DACH2: variants seen among roughly 807,000 people sequenced by gnomAD.
DACH2 encodes dachshund homolog 2.
Under a neutral mutation model 35.8 loss-of-function variants are expected in DACH2, and 17 were observed. The observed-to-expected ratio is 0.48, with a 90% CI of 0.33 to 0.71. The LOEUF is 0.71. DACH2 is among the 30% of genes least tolerant of loss of function. The pLI, the probability that DACH2 is intolerant of heterozygous loss-of-function variation, is 0.02. For missense variants in DACH2, 469 were observed against 472.7 expected, an observed-to-expected ratio of 0.99 and a Z score of 0.07; for synonymous variants, 195 against 177.3, an observed-to-expected ratio of 1.10 and a Z score of -0.79.
At chrX:86,456,795 C>CT (rs2037483771) in intron 2 of DACH2, among the ~76,000 whole-genome samples, 1 of 106,724 alleles carries the variant, frequency 9.4e-6, no homozygotes, top group African/African-American at 3.4e-5. Context: ...TTTTTTTTGT[C>CT]TAAGAAAGTA....
intron 1 of DACH2, among the ~76,000 whole-genome samples, chrX:86,272,226 G>GTGTA (rs1556008363): frequency 4.7e-4 from 52 of 110,033 alleles, no homozygotes; most frequent in African/African-American, 1.2e-3. Flanking sequence ...GTGTGTGTGT[G>GTGTA]TATATCACAT....
chrX:86,599,080 T>G (rs2039751763), intron 3 of DACH2, among the ~76,000 whole-genome samples: 1 of 111,343 alleles, frequency 9.0e-6, no homozygotes, highest in Admixed American at 9.6e-5. Context: ...TGCAATAGTT[T>G]GCTGAGAATG....
intron 7 of DACH2, among the ~76,000 whole-genome samples, chrX:86,747,683 G>A (rs2041728275): frequency 8.9e-6 from 1 of 111,779 alleles, no homozygotes; most frequent in Non-Finnish European, 1.9e-5. Context: ...TTTTACTGGT[G>A]GAGGGCCTTG....
In DACH2 at chrX:86,351,030, G is replaced by T. The variant is rs1438394882; in HGVS notation, c.489-25794G>T. On this transcript the variant is annotated intron_variant, in intron 1 of 11. Coordinates refer to ENST00000373125, the MANE Select transcript of DACH2 (RefSeq NM_053281.3). ...GCATGGAATGTTCTTCCATTTGTTT[G>T]TGTCCTCTTTTATTTCCTTGAGCAG... Among the ~76,000 whole-genome samples, 7 of 19,195 alleles carry T rather than the reference G, an allele frequency of 3.6e-4. 2 individuals are homozygous for T. Among genetic ancestry groups the T allele is most frequent in the African/African-American group, 7.6e-4 (1 of 1,317 alleles). The allele number at this position is 19,195 out of a possible 115,157, so 16.7% of individuals were successfully genotyped here. A position where few individuals can be genotyped will look rare whatever the true frequency, so the allele number is the denominator to read the frequency against.
At chrX:86,298,717 C>T (rs1198424822) in intron 1 of DACH2, among the ~76,000 whole-genome samples, 1 of 112,011 alleles carries the variant, frequency 8.9e-6, no homozygotes, top group Admixed American at 9.5e-5. Flanking sequence ...TTAGATCAAT[C>T]ATTCCAGGTA....
chrX:86,610,363 CTCTTTCTT>C (rs201309617), intron 3 of DACH2, among the ~76,000 whole-genome samples: 3,849 of 70,039 alleles, frequency 0.055, 146 homozygotes, highest in Middle Eastern at 0.17. Flanking sequence ...TCCTTCCTTC[CTCTTTCTT>C]TCTTTCTTTC....
At chrX:86,637,839 G>A (rs12560203) in intron 3 of DACH2, among the ~76,000 whole-genome samples, 13,810 of 110,462 alleles carry the variant, frequency 0.13, 749 homozygotes, top group East Asian at 0.32. Context: ...CAAATTTACC[G>A]ACATACTAAA....
intron 7 of DACH2, among the ~76,000 whole-genome samples, chrX:86,799,749 T>TA (rs1435346835): frequency 8.9e-6 from 1 of 112,254 alleles, no homozygotes; most frequent in Non-Finnish European, 1.9e-5. Flanking sequence ...TTTACCAGAG[T>TA]AAATTTTTTT....
chrX:86,445,720 A>C (rs1228238602), intron 2 of DACH2, among the ~76,000 whole-genome samples: 1 of 110,423 alleles, frequency 9.1e-6, no homozygotes, highest in African/African-American at 3.3e-5. Flanking sequence ...TGTGGTAAGA[A>C]AAAATTTGAT....
At chrX:86,252,720 G>T (rs1403747977) in intron 1 of DACH2, among the ~76,000 whole-genome samples, 1 of 111,009 alleles carries the variant, frequency 9.0e-6, no homozygotes, top group African/African-American at 3.3e-5. Flanking sequence ...TTTTCTACCA[G>T]TACTATGCTG....
chrX:86,716,818 T>A (rs1036299442), intron 6 of DACH2, among the ~76,000 whole-genome samples: 3 of 112,101 alleles, frequency 2.7e-5, no homozygotes, highest in Non-Finnish European at 5.6e-5. Context: ...GTTTTATTTT[T>A]TACCCATTAT....
chrX:86,729,986 T>C (rs779530268), intron 6 of DACH2, among the ~76,000 whole-genome samples: 7 of 110,258 alleles, frequency 6.3e-5, no homozygotes. Flanking sequence ...GCATAACACA[T>C]CCCTTTTGCC....
At chrX:86,456,699 A>G (rs2037481728) in intron 2 of DACH2, among the ~76,000 whole-genome samples, 1 of 109,757 alleles carries the variant, frequency 9.1e-6, no homozygotes, top group Admixed American at 9.7e-5. Context: ...TGTGACCTAT[A>G]TCATTTTCTT....
At chrX:86,371,744 A>G (rs887382904) in intron 1 of DACH2, among the ~76,000 whole-genome samples, 8 of 111,137 alleles carry the variant, frequency 7.2e-5, no homozygotes, top group African/African-American at 2.3e-4. Context: ...AAAGACCTTT[A>G]AAAGTTCCAA....
At chrX:86,587,625 GATGTTTAT>G (rs1469343332) in intron 3 of DACH2, among the ~76,000 whole-genome samples, 1 of 111,568 alleles carries the variant, frequency 9.0e-6, no homozygotes, top group Non-Finnish European at 1.9e-5. Flanking sequence ...ATGAACCTGT[GATGTTTAT>G]TAATGATAAG....
chrX:86,588,487 A>G (rs1483527058), intron 3 of DACH2, among the ~76,000 whole-genome samples: 2 of 112,060 alleles, frequency 1.8e-5, no homozygotes, highest in Admixed American at 9.5e-5. Context: ...AATTCTTCCA[A>G]TCCATGAGCA....
chrX:86,705,028 TTATA>T (rs746696661), intron 5 of DACH2, among the ~76,000 whole-genome samples: 1 of 34,921 alleles, frequency 2.9e-5, no homozygotes, highest in Non-Finnish European at 5.7e-5. Flanking sequence ...ACAGAAATTG[TTATA>T]TATATATATA....
At chrX:86,468,282 A>G (rs1008684250) in intron 2 of DACH2, among the ~76,000 whole-genome samples, 1 of 111,501 alleles carries the variant, frequency 9.0e-6, no homozygotes, top group Non-Finnish European at 1.9e-5. Flanking sequence ...TGGTCTTACA[A>G]TATTACTGGC....
At chrX:86,395,227 C>T (rs1278939777) in intron 2 of DACH2, among the ~76,000 whole-genome samples, 1 of 111,472 alleles carries the variant, frequency 9.0e-6, no homozygotes, top group African/African-American at 3.3e-5. Context: ...ACAGTATTTT[C>T]TTCTAAGCAA....
Sources: gnomAD v4.1 joint callset for allele counts (sites outside exome capture counted in the v4.1 genomes callset) on GRCh38, gnomAD v4.1.1 for gene constraint, MANE v1.5 for transcripts, NCBI Gene and HGNC (gene_info 2026-07-23, HGNC 2026-07-21) for gene names.